Variants in NRG1 observed in about 807,000 individuals in gnomAD.
NRG1 encodes the protein pro-neuregulin-1, membrane-bound isoform.
NRG1 carries 18 observed loss-of-function variants against 63.8 expected under a neutral mutation model. The observed-to-expected ratio is 0.28, with a 90% CI of 0.19 to 0.42. NRG1 has a LOEUF of 0.42. Among genes scored for constraint, NRG1 ranks in the 10% least tolerant of loss-of-function variants. NRG1 has a pLI of 1.00. For synonymous variants in NRG1, 302 were observed against 301.3 expected (o/e 1.00, Z -0.02); for missense variants, 762 against 814.7 (o/e 0.94, Z 0.79).
At chr8:32,687,594 C>T (rs1810499506) in intron 5 of NRG1, among the ~76,000 whole-genome samples, 1 of 152,152 alleles carries the variant, frequency 6.6e-6, no homozygotes, top group African/African-American at 2.4e-5. Context: ...CAGGCAGGGA[C>T]CCTCTAGTTG....
intron 1 of NRG1, among the ~76,000 whole-genome samples, chr8:31,804,610 G>A (rs1027237418): frequency 6.6e-6 from 1 of 152,196 alleles, no homozygotes; most frequent in African/African-American, 2.4e-5. Flanking sequence ...GGGATGGCAA[G>A]TCAGAAGCCT....
In NRG1 at chr8:32,645,468, T is replaced by C. The variant is rs113170193; in HGVS notation, c.502+28583T>C. 7.8e-4 allele frequency among the ~76,000 whole-genome samples: 119 copies of C among 152,320 alleles called. 5 individuals are homozygous for C. In the East Asian group the frequency reaches 0.011, roughly 14 times the overall value. ...GTACTGCAAACACAGTTTAAGATGT[T>C]AAGACCCTTTAAATCATGTATAATT... On this transcript the variant is annotated intron_variant, in intron 5 of 11. Transcript: ENST00000356819.
intron 1 of NRG1, among the ~76,000 whole-genome samples, chr8:32,052,419 G>T (rs551822444): frequency 2.0e-5 from 3 of 151,840 alleles, no homozygotes; most frequent in African/African-American, 7.2e-5. Context: ...GGGACTACAG[G>T]CATGTGCCAC....
chr8:32,279,087 G>A (rs1852417425), intron 1 of NRG1, among the ~76,000 whole-genome samples: 2 of 152,142 alleles, frequency 1.3e-5, no homozygotes, highest in South Asian at 2.1e-4. Flanking sequence ...CTCCCTATAC[G>A]CAGCCAGCAA....
At chr8:31,977,747 CAA>C (rs1358223372) in intron 1 of NRG1, among the ~76,000 whole-genome samples, 4 of 152,110 alleles carry the variant, frequency 2.6e-5, no homozygotes, top group African/African-American at 9.7e-5. Flanking sequence ...AGAATGTTTT[CAA>C]AGTCTTTCAC....
At chr8:31,958,080 T>TAGATAGATAGAC (rs781754647) in intron 1 of NRG1, among the ~76,000 whole-genome samples, 109 of 151,790 alleles carry the variant, frequency 7.2e-4, no homozygotes, top group African/African-American at 2.0e-3. Context: ...GATAGATAGA[T>TAGATAGATAGAC]AGACAGACAG....
chr8:32,310,060 T>G (rs1452929743), intron 1 of NRG1, among the ~76,000 whole-genome samples: 1 of 151,966 alleles, frequency 6.6e-6, no homozygotes, highest in Admixed American at 6.6e-5. Context: ...GCCACAGGAG[T>G]GGCCAGTGCC....
chr8:31,795,154 A>G (rs1821083494), intron 1 of NRG1, among the ~76,000 whole-genome samples: 1 of 152,128 alleles, frequency 6.6e-6, no homozygotes, highest in Non-Finnish European at 1.5e-5. Context: ...AGGTGCTGCA[A>G]TAAATTGTTT....
intron 1 of NRG1, among the ~76,000 whole-genome samples, chr8:32,307,769 G>A (rs749585750): frequency 4.6e-5 from 7 of 152,108 alleles, no homozygotes; most frequent in Non-Finnish European, 8.8e-5. Context: ...TGGTGAAAGC[G>A]GTGAGCATGG....
At chr8:32,283,115 A>G (rs1853076570) in intron 1 of NRG1, among the ~76,000 whole-genome samples, 1 of 152,180 alleles carries the variant, frequency 6.6e-6, no homozygotes, top group Non-Finnish European at 1.5e-5. Context: ...TTGTTATTCC[A>G]ATTTCTAGTG....
chr8:32,528,615 C>T (rs931752021), intron 1 of NRG1, among the ~76,000 whole-genome samples: 1 of 152,136 alleles, frequency 6.6e-6, no homozygotes, highest in African/African-American at 2.4e-5. Flanking sequence ...CTTCTTCCCA[C>T]ATTGTTTGAC....
At chr8:32,324,224 A>G (rs1200920215) in intron 1 of NRG1, among the ~76,000 whole-genome samples, 4 of 152,112 alleles carry the variant, frequency 2.6e-5, no homozygotes, top group Non-Finnish European at 4.4e-5. Flanking sequence ...TGGTTTATGG[A>G]TGGGAAAACT....
At chr8:31,747,553 C>T (rs1586117307) in intron 1 of NRG1, among the ~76,000 whole-genome samples, 1 of 151,954 alleles carries the variant, frequency 6.6e-6, no homozygotes, top group East Asian at 1.9e-4. Context: ...AGCATAGTCT[C>T]TTCTCTTATA....
intron 7 of NRG1, among the ~76,000 whole-genome samples, chr8:32,746,278 A>G (rs1382930234): frequency 6.6e-6 from 1 of 152,214 alleles, no homozygotes; most frequent in Non-Finnish European, 1.5e-5. Context: ...ATTAAAAGAC[A>G]GACACTAAAT....
At chr8:31,798,790 A>G (rs930323786) in intron 1 of NRG1, among the ~76,000 whole-genome samples, 11 of 152,162 alleles carry the variant, frequency 7.2e-5, no homozygotes, top group Admixed American at 6.5e-4. Context: ...GAGAATCCAG[A>G]CACAGATGGC....
chr8:32,312,157 G>GTTTTTTTTTTTTTTTT (rs35888973), intron 1 of NRG1, among the ~76,000 whole-genome samples: 1 of 74,400 alleles, frequency 1.3e-5, no homozygotes, highest in Non-Finnish European at 2.3e-5. Context: ...GACCTTGTTT[G>GTTTTTTTTTTTTTTTT]TTTTTTTTTT....
At chr8:32,733,471 A>G (rs1824258037) in intron 6 of NRG1, among the ~76,000 whole-genome samples, 1 of 152,180 alleles carries the variant, frequency 6.6e-6, no homozygotes, top group Admixed American at 6.5e-5. Flanking sequence ...GATAATATAT[A>G]TAATGTAAAT....
Position 31,740,198 on chromosome 8 carries a change from G to C in NRG1, c.37+100767G>C, listed in dbSNP as rs949793171. 2.6e-5 allele frequency among the ~76,000 whole-genome samples: 4 copies of C among 152,092 alleles called. No homozygotes were observed. In the East Asian group the frequency reaches 7.8e-4, roughly 29 times the overall value. On this transcript the variant is annotated intron_variant, in intron 1 of 10. Transcript: ENST00000519301. ...CATTGTTATGATAGTATTTAAATAA[G>C]CAGACCAAACCCATGCATGGGACTG...
chr8:32,040,607 G>A (rs1819785959), intron 1 of NRG1, among the ~76,000 whole-genome samples: 2 of 148,576 alleles, frequency 1.3e-5, no homozygotes, highest in Non-Finnish European at 3.0e-5. Context: ...ATGTATATAT[G>A]CATATATACA....
Sources: gnomAD v4.1 joint callset for allele counts (sites outside exome capture counted in the v4.1 genomes callset) on GRCh38, gnomAD v4.1.1 for gene constraint, MANE v1.5 for transcripts, NCBI Gene and HGNC (gene_info 2026-07-23, HGNC 2026-07-21) for gene names.